Variants in SLC49A3 observed in about 807,000 individuals in gnomAD.
SLC49A3 encodes solute carrier family 49 member 3.
SLC49A3 carries 50 observed loss-of-function variants against 43.8 expected under a neutral mutation model. The observed-to-expected ratio is 1.14, with a 90% CI of 0.91 to 1.45. The LOEUF is 1.45. SLC49A3 is among the 40% of genes most tolerant of loss of function. The probability of loss-of-function intolerance (pLI) is 0.00; values close to 1 mark genes in which losing one functional copy is unlikely to be tolerated. For synonymous variants in SLC49A3, 413 were observed against 352.0 expected, an observed-to-expected ratio of 1.17 and a Z score of -1.94; for missense variants, 906 against 774.1, an observed-to-expected ratio of 1.17 and a Z score of -2.02.
chr4:686,002 C>A (rs1740936787), intron 3 of SLC49A3, 87 bp downstream of exon 3: 5 of 1,606,754 alleles, frequency 3.1e-6, no homozygotes, highest in Non-Finnish European at 3.4e-6. Flanking sequence ...CCAGCTCCTC[C>A]ACCCTGGCCA....
At chr4:680,023 G>C (rs759222871), downstream of SLC49A3, 30 of 1,608,192 alleles carry the variant, frequency 1.9e-5, no homozygotes, top group Non-Finnish European at 2.5e-5. Context: ...TGAGCGGTGA[G>C]CACCGGTGGG....
Position 685,457 on chromosome 4 carries a change from T to C in SLC49A3, c.585+378A>G, listed in dbSNP as rs1301023112. ...GCTCACGCCTGTCATCCTAGCACTT[T>C]GGGAAGCCGAGGCAGACGGATCATG... On this transcript the variant is annotated intron_variant, in intron 4 of 9. Coordinates refer to ENST00000322224, the MANE Select transcript of SLC49A3 (RefSeq NM_032219.4). The surrounding 1 kb of genome is among the most constrained non-coding windows in gnomAD (Gnocchi z 4.3). 1.3e-5 allele frequency among the ~76,000 whole-genome samples: 2 copies of C among 151,126 alleles called. No individual in the cohort carries two copies. Among genetic ancestry groups the C allele is most frequent in the African/African-American group, 4.9e-5 (2 of 40,966 alleles).
chr4:687,575 C>T (rs1431294005), intron 1 of SLC49A3, among the ~76,000 whole-genome samples: 1 of 152,248 alleles, frequency 6.6e-6, no homozygotes, highest in East Asian at 1.9e-4. Flanking sequence ...GCCGCTCCAG[C>T]CTCAGCCCTG....
rs77375475 is a variant in SLC49A3 at position 684,709 on chromosome 4, C to T, written c.723+10G>A. Reference sequence around the variant, plus strand: ...AATCCACCCTACCCCGGGGATCCCACGGCACTGACCAGCTTGAGCCCATCC... The same window carrying T: ...AATCCACCCTACCCCGGGGATCCCATGGCACTGACCAGCTTGAGCCCATCC... On this transcript the variant is annotated intron_variant, in intron 5 of 9. Transcript: ENST00000322224. 18,164 of 1,608,860 alleles carry T rather than the reference C, an allele frequency of 0.011. 141 individuals carry two copies. Among genetic ancestry groups the T allele is most frequent in the Non-Finnish European group, 0.013 (15,540 of 1,178,072 alleles).
intron 1 of SLC49A3, among the ~76,000 whole-genome samples, chr4:687,071 G>C (rs1159718709): frequency 2.6e-5 from 4 of 152,244 alleles, no homozygotes; most frequent in South Asian, 4.1e-4. Flanking sequence ...CCCAAGGCCA[G>C]CCTGACCTTC....
rs1354660612 is a variant in SLC49A3, at chr4:688,979, G to A, written c.135+14C>T. On this transcript the variant is annotated intron_variant, in intron 1 of 9. Coordinates refer to ENST00000322224, the MANE Select transcript of SLC49A3 (RefSeq NM_032219.4). ...GAGGGTCCCGGAGCCACCTGTCCCC[G>A]CCCCTGCCCCTACCGTGGCGTTGGA... is the stretch of plus-strand genomic sequence containing the variant. 2.5e-6 allele frequency: 4 copies of A among 1,587,872 alleles called. No homozygotes were observed. In the East Asian group the frequency reaches 7.3e-5, roughly 29 times the overall value.
chr4:690,573 C>G (rs556025872), upstream of SLC49A3, among the ~76,000 whole-genome samples: 3 of 152,348 alleles, frequency 2.0e-5, no homozygotes, highest in East Asian at 3.9e-4. Context: ...TGCAGGCTTC[C>G]CTGTTGAGGG....
chr4:686,480 C>CG, intron 2 of SLC49A3, 52 bp downstream of exon 2: 1 of 1,584,830 alleles, frequency 6.3e-7, no homozygotes, highest in South Asian at 1.1e-5. Flanking sequence ...TACCCAAATG[C>CG]GGGGGCCCCT....
downstream of SLC49A3, among the ~76,000 whole-genome samples, chr4:677,321 G>A (rs1738941469): frequency 6.6e-6 from 1 of 152,226 alleles, no homozygotes; most frequent in Admixed American, 6.5e-5. Flanking sequence ...CCTGGGCCAG[G>A]TCCCTACCCC....
chr4:683,453 C>A, intron 7 of SLC49A3, 86 bp from the exon 8 acceptor site: 2 of 1,520,628 alleles, frequency 1.3e-6, no homozygotes, highest in South Asian at 1.3e-5. Flanking sequence ...GGACACGGGG[C>A]AGGAGAACCC....
In SLC49A3 at chr4:684,731, ATCCAGGAACT is replaced by A; in HGVS notation, c.701_710del (p.Lys234MetfsTer22). On this transcript the variant is annotated frameshift_variant, in exon 5 of 10. Transcript: ENST00000322224. LOFTEE classifies it high-confidence loss of function. ...CCACGGCACTGACCAGCTTGAGCCC[ATCCAGGAACT>A]TCTCTGAGGTGGAGCTGGCAGCCCC... 6.2e-7 allele frequency: 1 copy of A among 1,611,328 alleles called. No individual in the cohort carries two copies.
At chr4:684,430 C>T (rs2109415935) in intron 6 of SLC49A3, 53 bp downstream of exon 6, 2 of 1,602,944 alleles carry the variant, frequency 1.2e-6, no homozygotes, top group South Asian at 2.2e-5. Flanking sequence ...GACTCCATGG[C>T]CATATGGGGC....
chr4:681,658 C>T (rs1371592503), downstream of SLC49A3, among the ~76,000 whole-genome samples: 1 of 48,776 alleles, frequency 2.1e-5, no homozygotes, highest in Non-Finnish European at 4.2e-5. Context: ...CCCTCCAGCG[C>T]CGCCCCGCCC....
chr4:680,954 C>T, downstream of SLC49A3: 1 of 992,758 alleles, frequency 1.0e-6, no homozygotes, highest in South Asian at 1.4e-5. Context: ...AGGGACCTGC[C>T]CCAGGGCCAC....
rs1163510289 is a variant in SLC49A3, at chr4:682,874, G to A, written c.1168C>T (p.Leu390Phe). ...IFVLGQAEGI[L>F]IMLAMTALTV... is the part of the protein sequence containing the mutation. ...AGTGCCGTCATTGCCAGCATGATGA[G>A]TATTCCCTCGGCCTGCCTGGACACA... is the stretch of plus-strand genomic sequence containing the variant. The change falls in exon 9 of 10, where the codon CTC (leucine) becomes TTC (phenylalanine). Residue 390 changes from leucine to phenylalanine, a missense_variant. Leu to Phe is a conservative substitution (Grantham distance 22). Coordinates refer to ENST00000322224, the MANE Select transcript of SLC49A3 (RefSeq NM_032219.4). 1.9e-6 allele frequency: 3 copies of A among 1,597,450 alleles called. No homozygotes were observed. The South Asian group carries it at 3.3e-5, about 18-fold the overall frequency.
downstream of SLC49A3, chr4:678,193 TGC>T: frequency 6.6e-7 from 1 of 1,525,862 alleles, no homozygotes; most frequent in Non-Finnish European, 8.8e-7. Flanking sequence ...CGTGTGTATG[TGC>T]GTGTGTGTGA....
chr4:681,744 C>T (rs1739673131), downstream of SLC49A3: 2 of 922,258 alleles, frequency 2.2e-6, no homozygotes, highest in Non-Finnish European at 2.7e-6. Context: ...AGCGCCGCCC[C>T]GCCCCCTCCA....
chr4:679,951 G>C, downstream of SLC49A3: 1 of 1,613,826 alleles, frequency 6.2e-7, no homozygotes, highest in South Asian at 1.1e-5. Flanking sequence ...TGGACGCCAT[G>C]CTCAAAGAGG....
At chr4:680,100 C>T, downstream of SLC49A3, 1 of 1,312,296 alleles carries the variant, frequency 7.6e-7, no homozygotes, top group South Asian at 1.4e-5. Context: ...AAAAATCTCT[C>T]TTTTCCAATC....
Sources: gnomAD v4.1 joint callset for allele counts (sites outside exome capture counted in the v4.1 genomes callset) on GRCh38, gnomAD v4.1.1 for gene constraint, Gnocchi (gnomAD v3.1) non-coding constraint, MANE v1.5 for transcripts, NCBI Gene and HGNC (gene_info 2026-07-23, HGNC 2026-07-21) for gene names.